Variants in ARB2A observed in about 807,000 individuals in gnomAD.
The protein encoded by ARB2A is cotranscriptional regulator ARB2A.
chr5:93,926,423 G>A, the ARB2A span, among the ~76,000 whole-genome samples: 4 of 151,988 alleles, frequency 2.6e-5, no homozygotes, highest in Non-Finnish European at 4.4e-5. Flanking sequence ...ATGAGCCACC[G>A]TGCCCGGCCT....
the ARB2A span, among the ~76,000 whole-genome samples, chr5:93,846,000 GACACACACACACAC>G: frequency 2.0e-5 from 3 of 146,668 alleles, no homozygotes; most frequent in South Asian, 2.2e-4. Context: ...CTCTCTCTGT[GACACACACACACAC>G]ACACACACAC....
chr5:93,637,085 G>A, the ARB2A span, among the ~76,000 whole-genome samples: 188 of 152,116 alleles, frequency 1.2e-3, no homozygotes, highest in Admixed American at 2.7e-3. Context: ...CTTCCCCCCA[G>A]CTCCCCTCCT....
the ARB2A span, among the ~76,000 whole-genome samples, chr5:93,892,970 A>C: frequency 6.6e-6 from 1 of 152,146 alleles, no homozygotes; most frequent in Non-Finnish European, 1.5e-5. Context: ...ATATGGTTTT[A>C]ATCTTTGCAT....
the ARB2A span, among the ~76,000 whole-genome samples, chr5:94,025,924 C>T: frequency 2.0e-5 from 3 of 152,132 alleles, no homozygotes; most frequent in African/African-American, 7.2e-5. Context: ...GATCCTGCAG[C>T]GGACCTTGGC....
At chr5:93,633,431 A>C in the ARB2A span, among the ~76,000 whole-genome samples, 1 of 152,152 alleles carries the variant, frequency 6.6e-6, no homozygotes, top group African/African-American at 2.4e-5. Context: ...ATTAGGTAGA[A>C]ATTCCTTAAT....
chr5:93,892,391 G>C, the ARB2A span, among the ~76,000 whole-genome samples: 1 of 152,068 alleles, frequency 6.6e-6, no homozygotes. Context: ...ATACAAAAGA[G>C]AATACAAAAA....
At chr5:93,656,829 G>T in the ARB2A span, among the ~76,000 whole-genome samples, 1 of 151,876 alleles carries the variant, frequency 6.6e-6, no homozygotes, top group Non-Finnish European at 1.5e-5. Context: ...TTTAAACTTA[G>T]TTTTGGAGGA....
the ARB2A span, among the ~76,000 whole-genome samples, chr5:93,631,365 T>C: frequency 6.6e-6 from 1 of 152,222 alleles, no homozygotes; most frequent in African/African-American, 2.4e-5. Flanking sequence ...TGGTTTTAAC[T>C]CTTGTCTTAT....
chr5:93,766,206 A>C, the ARB2A span, among the ~76,000 whole-genome samples: 1 of 152,184 alleles, frequency 6.6e-6, no homozygotes, highest in Non-Finnish European at 1.5e-5. Context: ...ATTAAACTAA[A>C]GAGCTTCTGC....
At chr5:93,661,975 C>G in the ARB2A span, among the ~76,000 whole-genome samples, 4 of 152,182 alleles carry the variant, frequency 2.6e-5, no homozygotes, top group Non-Finnish European at 2.9e-5. Context: ...CAGAGATAAA[C>G]AGAGACCACT....
chr5:93,909,552 G>T, the ARB2A span, among the ~76,000 whole-genome samples: 1 of 150,602 alleles, frequency 6.6e-6, no homozygotes, highest in Admixed American at 6.6e-5. Flanking sequence ...ATTTCCCCAT[G>T]ATCACCTCTG....
the ARB2A span, among the ~76,000 whole-genome samples, chr5:93,857,587 G>A: frequency 6.6e-6 from 1 of 152,200 alleles, no homozygotes; most frequent in Non-Finnish European, 1.5e-5. Flanking sequence ...GACCCTCCGA[G>A]CCATGTGCGG....
At chr5:93,801,452 C>G in the ARB2A span, among the ~76,000 whole-genome samples, 3 of 152,018 alleles carry the variant, frequency 2.0e-5, no homozygotes, top group Admixed American at 6.6e-5. Context: ...AAGATGCAAC[C>G]AAGGATAAGC....
chr5:93,739,740 C>T, the ARB2A span: 1 of 152,182 alleles, frequency 6.6e-6, no homozygotes, highest in East Asian at 1.9e-4. Context: ...TACAAATATC[C>T]TCTCAAAACC....
chr5:93,852,959 G>A, the ARB2A span, among the ~76,000 whole-genome samples: 1 of 152,156 alleles, frequency 6.6e-6, no homozygotes, highest in African/African-American at 2.4e-5. Flanking sequence ...GGTTCCATAT[G>A]AACTTTAAAG....
chr5:94,000,162 A>T, the ARB2A span, among the ~76,000 whole-genome samples: 2 of 152,132 alleles, frequency 1.3e-5, no homozygotes, highest in Admixed American at 1.3e-4. Context: ...GTAAGTTTCA[A>T]CTTCTTTGGT....
chr5:93,694,361 T>C, the ARB2A span, among the ~76,000 whole-genome samples: 1 of 152,152 alleles, frequency 6.6e-6, no homozygotes, highest in Non-Finnish European at 1.5e-5. Flanking sequence ...AAGATCAATG[T>C]GCAAAAATCA....
the ARB2A span, among the ~76,000 whole-genome samples, chr5:93,848,567 G>A: frequency 6.6e-6 from 1 of 151,930 alleles, no homozygotes; most frequent in Non-Finnish European, 1.5e-5. Flanking sequence ...GCTTATTTGA[G>A]CCTAAATTCA....
the ARB2A span, among the ~76,000 whole-genome samples, chr5:93,914,275 G>A: frequency 6.6e-6 from 1 of 151,884 alleles, no homozygotes. Context: ...AATGTTGTGA[G>A]GTGAATAGGA....
Sources: gnomAD v4.1 joint callset for allele counts (sites outside exome capture counted in the v4.1 genomes callset) on GRCh38, gnomAD v4.1.1 for gene constraint, MANE v1.5 for transcripts, NCBI Gene and HGNC (gene_info 2026-07-23, HGNC 2026-07-21) for gene names.